SLC22A25: variants seen among roughly 807,000 people sequenced by gnomAD.
The protein encoded by SLC22A25 is solute carrier family 22 member 25.
A neutral mutation model predicts 45.9 loss-of-function variants in SLC22A25; 44 were observed. That is an observed-to-expected ratio of 0.96 (90% confidence interval 0.75 to 1.23). SLC22A25 has a LOEUF of 1.23. SLC22A25 is among the 50% of genes most tolerant of loss of function. The probability of loss-of-function intolerance (pLI) is 0.00; values close to 1 mark genes in which losing one functional copy is unlikely to be tolerated. For synonymous variants in SLC22A25, 283 were observed against 238.6 expected (o/e 1.19, Z -1.72); for missense variants, 800 against 666.4 (o/e 1.20, Z -2.21).
intron 7 of SLC22A25, among the ~76,000 whole-genome samples, chr11:63,192,416 A>C (rs1269513777): frequency 2.0e-5 from 3 of 152,220 alleles, no homozygotes; most frequent in Non-Finnish European, 4.4e-5. Context: ...GACACTATAA[A>C]GCAGACTCAT....
intron 3 of SLC22A25, among the ~76,000 whole-genome samples, chr11:63,234,092 G>T (rs1325276151): frequency 6.6e-6 from 1 of 152,190 alleles, no homozygotes; most frequent in Non-Finnish European, 1.5e-5. Context: ...GTGGTGTGGT[G>T]CTGAAAAGAA....
intron 1 of SLC22A25, among the ~76,000 whole-genome samples, chr11:63,240,805 G>A (rs1479418977): frequency 6.6e-6 from 1 of 152,158 alleles, no homozygotes; most frequent in Non-Finnish European, 1.5e-5. Flanking sequence ...CATGCATGGG[G>A]TTGTCATCTC....
chr11:63,212,545 T>C (rs1441417832), intron 7 of SLC22A25, among the ~76,000 whole-genome samples: 1 of 152,074 alleles, frequency 6.6e-6, no homozygotes, highest in African/African-American at 2.4e-5. Flanking sequence ...GAAACCATCA[T>C]TCTCAGCAAA....
chr11:63,163,762 A>T lies in SLC22A25; in HGVS notation c.*62T>A. 6.5e-7 allele frequency: 1 copy of T among 1,549,196 alleles called. No individual in the cohort carries two copies. On this transcript the variant is annotated 3_prime_UTR_variant, in exon 12 of 12. Coordinates refer to ENST00000306494, the MANE Select transcript of SLC22A25 (RefSeq NM_199352.6). The stretch of plus-strand genomic sequence containing the variant: ...GGCACTGACTACATGGGAATAGCCC[A>T]GATCTAAGCCTTTTTGGGGGATGGT...
intron 9 of SLC22A25, among the ~76,000 whole-genome samples, chr11:63,169,165 G>A (rs576973386): frequency 6.6e-6 from 1 of 152,196 alleles, no homozygotes; most frequent in East Asian, 1.9e-4. Context: ...AGCTCCTGAA[G>A]GAAGCACTAA....
intron 7 of SLC22A25, among the ~76,000 whole-genome samples, chr11:63,192,174 G>A (rs2088840402): frequency 6.6e-6 from 1 of 152,144 alleles, no homozygotes; most frequent in South Asian, 2.1e-4. Flanking sequence ...AGAGATTGGG[G>A]ATGAATATTC....
chr11:63,164,271 C>T (rs1268870286), intron 11 of SLC22A25, among the ~76,000 whole-genome samples, 198 bp from the exon 12 acceptor site: 1 of 152,184 alleles, frequency 6.6e-6, no homozygotes, highest in Non-Finnish European at 1.5e-5. Context: ...TTATCATTTA[C>T]AAAATGCTAT....
intron 3 of SLC22A25, among the ~76,000 whole-genome samples, chr11:63,236,747 C>G (rs1479251040): frequency 1.3e-5 from 2 of 152,204 alleles, no homozygotes; most frequent in East Asian, 1.9e-4. Flanking sequence ...TTCTGCATCG[C>G]TGACCCTGGG....
chr11:63,220,104 T>G, intron 5 of SLC22A25: 2 of 946,460 alleles, frequency 2.1e-6, no homozygotes, highest in Admixed American at 4.7e-5. Flanking sequence ...TGTCCTTAGA[T>G]TACTTACCTT....
At chr11:63,212,361 C>T (rs1196093095) in intron 7 of SLC22A25, among the ~76,000 whole-genome samples, 19 of 152,226 alleles carry the variant, frequency 1.2e-4, no homozygotes, top group Middle Eastern at 3.4e-3. Context: ...TAAAGACACA[C>T]GCACACGTAT....
rs1329577240 is a variant in SLC22A25 at position 63,160,925 on chromosome 11, T to C, written c.*2899A>G. ...TTAGTAAAACTGCTATGGAGAACAG[T>C]TTGGAGGTTCCTCAAAAAAATTAAA... On this transcript the variant is annotated 3_prime_UTR_variant, in exon 12 of 12. Coordinates refer to ENST00000306494, the MANE Select transcript of SLC22A25 (RefSeq NM_199352.6). 6.6e-6 allele frequency among the ~76,000 whole-genome samples: 1 copy of C among 152,168 alleles called. No homozygotes were observed. The highest frequency in any genetic ancestry group is 1.5e-5 in the Non-Finnish European group (1 of 68,032).
In SLC22A25 at chr11:63,218,604, T is replaced by C. The variant is rs537097767; in HGVS notation, c.507-869A>G. Among the ~76,000 whole-genome samples the C allele has an allele frequency of 2.0e-5, 3 of 152,310 alleles. No homozygotes were observed. The East Asian group carries it at 5.8e-4, about 29-fold the overall frequency. On this transcript the variant is annotated intron_variant, in intron 5 of 11. Coordinates refer to ENST00000306494, the MANE Select transcript of SLC22A25 (RefSeq NM_199352.6). Reference sequence around the variant, plus strand: ...GTACTTTAGCACACTAGAGAGTCTGTATAGTGGCTGGGAGGCAAGAGATCT... The same window carrying C: ...GTACTTTAGCACACTAGAGAGTCTGCATAGTGGCTGGGAGGCAAGAGATCT...
At position 63,161,685 on chromosome 11, in the gene SLC22A25, G is replaced by A. The variant is rs554448923; in HGVS notation, c.*2139C>T. ...CCACCAGGATTGTGAGGCTTCACCA[G>A]CTATGTGGAACTGTGAGTCCATTAA... is the stretch of plus-strand genomic sequence containing the variant. On this transcript the variant is annotated 3_prime_UTR_variant, in exon 12 of 12. Transcript: ENST00000306494. 1.3e-5 allele frequency among the ~76,000 whole-genome samples: 2 copies of A among 152,336 alleles called. No homozygotes were observed. Among genetic ancestry groups the A allele is most frequent in the African/African-American group, 2.4e-5 (1 of 41,570 alleles).
At position 63,166,066 on chromosome 11, in the gene SLC22A25, C is replaced by A. The variant is rs938057818; in HGVS notation, c.1263G>T (p.Leu421=). 6.2e-7 allele frequency: 1 copy of A among 1,613,888 alleles called. No individual in the cohort carries two copies. Among genetic ancestry groups the A allele is most frequent in the Non-Finnish European group, 8.5e-7 (1 of 1,179,898 alleles). The part of the protein sequence containing the change: ...LLMFLLATCL[L]AIIFVPQEMQ... Reference sequence around the variant, plus strand: ...CACCTTGAGGCACAAATATGATGGCCAGAAGGCAGGTTGCCAGTAGGAACA... The same window carrying A: ...CACCTTGAGGCACAAATATGATGGCAAGAAGGCAGGTTGCCAGTAGGAACA... The change falls in exon 10 of 12, where the codon CTG becomes CTT. Residue 421 remains leucine (L), a synonymous_variant. Transcript: ENST00000306494.
intron 9 of SLC22A25, chr11:63,166,512 TTAAAAGCAATGG>T: frequency 8.3e-7 from 1 of 1,207,276 alleles, no homozygotes; most frequent in Non-Finnish European, 1.0e-6. Flanking sequence ...TTTATTTATT[TTAAAAGCAATGG>T]ATTTTATTAG....
intron 7 of SLC22A25, among the ~76,000 whole-genome samples, chr11:63,215,790 G>A (rs2089693939): frequency 6.6e-6 from 1 of 151,886 alleles, no homozygotes; most frequent in African/African-American, 2.4e-5. Flanking sequence ...CTCTCAAGTG[G>A]ACCCCAGTGT....
chr11:63,220,028 T>C, intron 5 of SLC22A25: 1 of 1,288,828 alleles, frequency 7.8e-7, no homozygotes. Context: ...TTTCCTGCCA[T>C]TTCAGAAGAC....
chr11:63,229,211 C>A, intron 4 of SLC22A25, 40 bp downstream of exon 4: 1 of 1,477,172 alleles, frequency 6.8e-7, no homozygotes, highest in South Asian at 1.6e-5. Context: ...TTCTAAACAG[C>A]CAGGTCATGT....
intron 7 of SLC22A25, among the ~76,000 whole-genome samples, chr11:63,211,574 TCTC>T (rs1364810731): frequency 1.3e-5 from 2 of 152,084 alleles, no homozygotes; most frequent in Non-Finnish European, 2.9e-5. Context: ...GTTTAAGAAT[TCTC>T]CTACCATTTT....
Sources: allele counts gnomAD v4.1 joint callset (sites outside exome capture counted in the v4.1 genomes callset), GRCh38; gene constraint gnomAD v4.1.1; transcripts MANE v1.5; gene names NCBI Gene and HGNC (gene_info 2026-07-23, HGNC 2026-07-21).